OR51B5: variants seen among roughly 807,000 people sequenced by gnomAD.
OR51B5 encodes the protein olfactory receptor family 51 subfamily B member 5, also known as olfactory receptor 51B5.
For missense variants in OR51B5, 456 were observed against 374.6 expected (o/e 1.22, Z -1.79); for synonymous variants, 186 against 144.8 (o/e 1.28, Z -2.04).
intron 1 of OR51B5, among the ~76,000 whole-genome samples, chr11:5,382,786 G>T (rs974758831): frequency 6.6e-6 from 1 of 152,088 alleles, no homozygotes; most frequent in Admixed American, 6.6e-5. Flanking sequence ...TTACTTACCC[G>T]GTGTAAGGTG....
intron 1 of OR51B5, among the ~76,000 whole-genome samples, chr11:5,450,401 G>C: frequency 6.6e-6 from 1 of 151,862 alleles, no homozygotes; most frequent in East Asian, 1.9e-4. Context: ...ATAAATAAAT[G>C]AATTAATTAA....
chr11:5,368,642 C>T (rs1849409270), intron 1 of OR51B5, among the ~76,000 whole-genome samples: 1 of 152,106 alleles, frequency 6.6e-6, no homozygotes, highest in Non-Finnish European at 1.5e-5. Flanking sequence ...GTGTTTTATT[C>T]TCACATGCAT....
At position 5,485,457 on chromosome 11, in the gene OR51B5, C is replaced by T. The variant is rs919606551; in HGVS notation, n.84+20112G>A. ...CAGCATAAGCACCTGATGGACTCTG[C>T]TTGGGCTGAGCAATGAATTTGAGCC... On this transcript the variant is annotated intron_variant and non_coding_transcript_variant, in intron 1 of 4. Coordinates refer to the OR51B5 transcript ENST00000415970. Among the ~76,000 whole-genome samples, 4 of 152,312 alleles carry T rather than the reference C, an allele frequency of 2.6e-5. No homozygotes were observed. The South Asian group carries it at 6.2e-4, about 24-fold the overall frequency.
chr11:5,505,631 G>C, exon 1 of OR51B5: 1 of 445,116 alleles, frequency 2.2e-6, no homozygotes, highest in Non-Finnish European at 3.6e-6. Flanking sequence ...CATCCTACTG[G>C]AATGGCAGCA....
intron 1 of OR51B5, among the ~76,000 whole-genome samples, chr11:5,438,355 A>ACCCCCCC (rs35674866): frequency 6.6e-6 from 1 of 150,658 alleles, no homozygotes; most frequent in African/African-American, 2.5e-5. Context: ...TCATAGCAAC[A>ACCCCCCC]CCCCCCCCCA....
chr11:5,397,233 A>G lies in OR51B5; in HGVS notation n.85-50323T>C, dbSNP rs565412157. Reference sequence around the variant, plus strand: ...TCTAATTAAACTAAAGATCTTCTGCACAGCAAAAGAAACTACCATCAGAGT... The same window carrying G: ...TCTAATTAAACTAAAGATCTTCTGCGCAGCAAAAGAAACTACCATCAGAGT... On this transcript the variant is annotated intron_variant and non_coding_transcript_variant, in intron 1 of 4. Coordinates refer to the OR51B5 transcript ENST00000415970. 2.3e-4 allele frequency among the ~76,000 whole-genome samples: 35 copies of G among 152,360 alleles called. 1 individual carries two copies. The South Asian group carries it at 7.0e-3, about 31-fold the overall frequency.
At chr11:5,422,537 G>A in intron 1 of OR51B5, 4 of 1,614,106 alleles carry the variant, frequency 2.5e-6, no homozygotes, top group Non-Finnish European at 3.4e-6. Context: ...CTCCTTTATG[G>A]AGTCTTCTGT....
intron 1 of OR51B5, among the ~76,000 whole-genome samples, chr11:5,413,530 T>C (rs4910558): frequency 6.6e-6 from 1 of 151,498 alleles, no homozygotes; most frequent in Admixed American, 6.5e-5. Flanking sequence ...AGTTAAAAAC[T>C]TTGAAAAAAA....
At chr11:5,445,570 G>A (rs1480453181) in intron 1 of OR51B5, among the ~76,000 whole-genome samples, 2 of 151,832 alleles carry the variant, frequency 1.3e-5, no homozygotes, top group East Asian at 1.9e-4. Flanking sequence ...CAATAAAGAC[G>A]CAGCACCTAC....
chr11:5,407,839 T>G (rs894388105), intron 1 of OR51B5, among the ~76,000 whole-genome samples: 1 of 152,122 alleles, frequency 6.6e-6, no homozygotes, highest in Admixed American at 6.5e-5. Context: ...AATTACCATA[T>G]ATTTCCTCTC....
At chr11:5,477,404 C>T (rs1311650621) in intron 1 of OR51B5, among the ~76,000 whole-genome samples, 2 of 152,138 alleles carry the variant, frequency 1.3e-5, no homozygotes, top group Non-Finnish European at 2.9e-5. Flanking sequence ...CCTTGAAGCT[C>T]CCAGGTTCAT....
chr11:5,449,653 T>C (rs1238680619), intron 1 of OR51B5, among the ~76,000 whole-genome samples: 1 of 152,206 alleles, frequency 6.6e-6, no homozygotes, highest in Non-Finnish European at 1.5e-5. Context: ...GGTCAAAGTT[T>C]CTGTGGCTCA....
intron 1 of OR51B5, among the ~76,000 whole-genome samples, chr11:5,438,776 C>T: frequency 6.6e-6 from 1 of 152,082 alleles, no homozygotes; most frequent in East Asian, 1.9e-4. Context: ...TTGAAGCTTT[C>T]CTCCCCACAA....
intron 1 of OR51B5, among the ~76,000 whole-genome samples, chr11:5,418,210 A>T (rs1850271114): frequency 6.6e-6 from 1 of 152,148 alleles, no homozygotes; most frequent in East Asian, 1.9e-4. Flanking sequence ...AACAATGAGA[A>T]CACATGGACA....
intron 1 of OR51B5, chr11:5,505,252 T>G (rs1214146620): frequency 3.3e-6 from 4 of 1,205,356 alleles, no homozygotes; most frequent in Non-Finnish European, 4.3e-6. Context: ...GCTATTAGGT[T>G]TTTTGTTTTT....
intron 1 of OR51B5, among the ~76,000 whole-genome samples, chr11:5,382,087 A>G (rs1849616581): frequency 6.6e-6 from 1 of 152,172 alleles, no homozygotes; most frequent in African/African-American, 2.4e-5. Flanking sequence ...GCCTTTTTAA[A>G]CCCAACCATC....
At chr11:5,473,640 T>A (rs1590017423) in intron 1 of OR51B5, among the ~76,000 whole-genome samples, 1 of 152,298 alleles carries the variant, frequency 6.6e-6, no homozygotes, top group African/African-American at 2.4e-5. Flanking sequence ...TTTATCATAC[T>A]TGAAAGCAAT....
At chr11:5,340,323 G>A (rs1848874742), downstream of OR51B5, 2 of 152,036 alleles carry the variant, frequency 1.3e-5, no homozygotes, top group Admixed American at 1.3e-4. Context: ...TGGAATCAGA[G>A]ATTTGAAGAT....
intron 1 of OR51B5, among the ~76,000 whole-genome samples, chr11:5,366,342 C>T (rs1198635092): frequency 6.6e-6 from 1 of 152,156 alleles, no homozygotes; most frequent in Non-Finnish European, 1.5e-5. Flanking sequence ...ATTACAGACT[C>T]ATGCCTGTAA....
Sources: gnomAD v4.1 joint callset for allele counts (sites outside exome capture counted in the v4.1 genomes callset) on GRCh38, gnomAD v4.1.1 for gene constraint, MANE v1.5 for transcripts, NCBI Gene and HGNC (gene_info 2026-07-23, HGNC 2026-07-21) for gene names.